The following TRPA1 variants were observed in gnomAD, a reference collection of about 807,000 sequenced individuals.
The protein encoded by TRPA1 is transient receptor potential cation channel subfamily A member 1.
Under a neutral mutation model 131.3 loss-of-function variants are expected in TRPA1, and 129 were observed. The ratio of observed to expected loss-of-function variants is 0.98; its 90% CI spans 0.85 to 1.14. The LOEUF is 1.14. Ranked by LOEUF, TRPA1 falls within the 50% of genes most tolerant of loss-of-function variation. TRPA1 has a pLI of 0.00. For missense variants in TRPA1, 1,304 were observed against 1,354.2 expected (o/e 0.96, Z 0.58); for synonymous variants, 441 against 451.7 (o/e 0.98, Z 0.30).
intron 25 of TRPA1, among the ~76,000 whole-genome samples, chr8:72,025,279 A>G (rs1343771611): frequency 1.3e-5 from 2 of 152,038 alleles, no homozygotes; most frequent in East Asian, 3.9e-4. Flanking sequence ...TGTGATAGTA[A>G]GTGAGTTCTC....
chr8:72,051,969 T>G (rs1805519506), intron 14 of TRPA1, among the ~76,000 whole-genome samples: 1 of 152,180 alleles, frequency 6.6e-6, no homozygotes, highest in Admixed American at 6.6e-5. Flanking sequence ...ATTTATAAAT[T>G]TAGGTAGACA....
chr8:72,089,890 A>T, the TRPA1 span, among the ~76,000 whole-genome samples: 52 of 152,256 alleles, frequency 3.4e-4, no homozygotes, highest in East Asian at 9.2e-3. Context: ...TGTGAAATAC[A>T]TGCCTTATCC....
At chr8:72,048,339 G>A (rs573004117) in intron 15 of TRPA1, among the ~76,000 whole-genome samples, 1 of 152,146 alleles carries the variant, frequency 6.6e-6, no homozygotes, top group East Asian at 1.9e-4. Context: ...TGGGGCATCT[G>A]GTGAACCTGT....
At chr8:72,072,153 C>A (rs1381428043) in intron 1 of TRPA1, among the ~76,000 whole-genome samples, 1 of 152,112 alleles carries the variant, frequency 6.6e-6, no homozygotes, top group Non-Finnish European at 1.5e-5. Context: ...ATGCAGAAAT[C>A]TTCCCCAAAT....
At chr8:72,077,227 G>A (rs1412804261), upstream of TRPA1, among the ~76,000 whole-genome samples, 1 of 151,454 alleles carries the variant, frequency 6.6e-6, no homozygotes, top group East Asian at 1.9e-4. Flanking sequence ...GGGGCAGTGG[G>A]CATGTCATGG....
Position 72,046,621 on chromosome 8 carries a change from G to T in TRPA1, c.1966-13C>A. On this transcript the variant is annotated splice_polypyrimidine_tract_variant and intron_variant, in intron 16 of 26. Coordinates refer to ENST00000262209, the MANE Select transcript of TRPA1 (RefSeq NM_007332.3). The stretch of plus-strand genomic sequence containing the variant: ...AATTATACTCGATCTGTAGAAGACA[G>T]AATTTTTTTTAAAAAAATGTACAGT... 2 of 1,461,802 alleles carry T rather than the reference G, an allele frequency of 1.4e-6. No homozygotes were observed. Among genetic ancestry groups the T allele is most frequent in the East Asian group, 2.3e-5 (1 of 43,886 alleles). The allele number at this position is 1,461,802 out of a possible 1,614,324, so 90.6% of individuals were successfully genotyped here.
intron 3 of TRPA1, among the ~76,000 whole-genome samples, chr8:72,067,936 C>T (rs950279622): frequency 1.1e-4 from 16 of 152,230 alleles, no homozygotes; most frequent in Non-Finnish European, 1.5e-5. Flanking sequence ...TTTACCAGCA[C>T]AGTGCTGAGG....
In TRPA1 at chr8:72,052,710, A is replaced by T. The variant is rs1413797404; in HGVS notation, c.1700T>A (p.Leu567His). 6.2e-7 allele frequency: 1 copy of T among 1,613,886 alleles called. No individual in the cohort carries two copies. The highest frequency in any genetic ancestry group is 8.5e-7 in the Non-Finnish European group (1 of 1,179,878). Residue 567 changes from leucine (L) to histidine (H), a missense_variant, in exon 14 of 27, where the codon CTT (leucine) becomes CAT (histidine). By Grantham distance (99) the Leu-to-His change is moderately conservative. Coordinates refer to ENST00000262209, the MANE Select transcript of TRPA1 (RefSeq NM_007332.3). ...REGHAKAVAL[L>H]LSHNADIVLN... ...GACTATGTCAGCATTGTGGCTCAGAAGAAGCGCAACGGCTTTGGCGTGGCC... is the reference window on the plus strand; with the variant it reads ...GACTATGTCAGCATTGTGGCTCAGATGAAGCGCAACGGCTTTGGCGTGGCC...
the TRPA1 span, among the ~76,000 whole-genome samples, chr8:72,088,385 T>TTTTTG: frequency 6.7e-6 from 1 of 150,206 alleles, no homozygotes; most frequent in African/African-American, 2.5e-5. Context: ...TTTTTTTTTT[T>TTTTTG]TTGCTGTTTT....
upstream of TRPA1, among the ~76,000 whole-genome samples, chr8:72,076,301 T>TATATTTATAGGA (rs1230963161): frequency 6.6e-6 from 1 of 152,150 alleles, no homozygotes; most frequent in Non-Finnish European, 1.5e-5. Context: ...TTGAGAGACT[T>TATATTTATAGGA]ATATTTATAG....
At position 72,069,125 on chromosome 8, in the gene TRPA1, A is replaced by C. The variant is rs1275544718; in HGVS notation, c.342T>G (p.Val114=). 1 of 1,614,230 alleles carries C rather than the reference A, an allele frequency of 6.2e-7. No individual in the cohort carries two copies. ...CAVEKNQIES[V]KFLLSRGANP... is the part of the protein sequence containing the mutation. ...TTGCTCCTCTGCTGAGAAGAAACTT[A>C]ACGCTTTCAATTTGGTTTTTTTCTA... The change falls in exon 3 of 27, where the codon GTT becomes GTG. Residue 114 remains valine, a synonymous_variant. Transcript: ENST00000262209.
intron 6 of TRPA1, chr8:72,062,395 A>G (rs919093898): frequency 9.7e-5 from 20 of 206,534 alleles, no homozygotes; most frequent in African/African-American, 4.5e-4. Flanking sequence ...CAACACGTTC[A>G]CATACATATT....
chr8:72,034,520 T>A, intron 21 of TRPA1, 143 bp from the exon 22 acceptor site: 1 of 524,008 alleles, frequency 1.9e-6, no homozygotes, highest in Non-Finnish European at 3.3e-6. Context: ...AAAGAAAACA[T>A]AAGAATTAAT....
chr8:72,067,207 T>G (rs1439834900), intron 3 of TRPA1, among the ~76,000 whole-genome samples: 2 of 152,150 alleles, frequency 1.3e-5, no homozygotes, highest in Admixed American at 1.3e-4. Context: ...AGGGGCTGGG[T>G]GTTTACAGGC....
the TRPA1 span, among the ~76,000 whole-genome samples, chr8:72,088,423 G>A: frequency 1.4e-5 from 2 of 140,776 alleles, no homozygotes. Flanking sequence ...AAGGAGGGTA[G>A]ATATGCATGT....
chr8:72,075,534 G>T lies in TRPA1; in HGVS notation c.-125C>A. On this transcript the variant is annotated 5_prime_UTR_variant, in exon 1 of 27. In the 5' UTR this introduces an upstream ATG that the reference lacks. Coordinates refer to ENST00000262209, the MANE Select transcript of TRPA1 (RefSeq NM_007332.3). ...CGAGCCCGAGCTCTCCCGCGCTGCA[G>T]CTCACAGGCAGCGAAAAAGTCGCTC... 1 of 788,268 alleles carries T rather than the reference G, an allele frequency of 1.3e-6. No individual in the cohort carries two copies. Among genetic ancestry groups the T allele is most frequent in the Non-Finnish European group, 2.2e-6 (1 of 463,292 alleles). 48.8% of individuals were successfully genotyped at this position (788,268 alleles called of 1,614,324 possible). A position where few individuals can be genotyped will look rare whatever the true frequency, so the allele number is the denominator to read the frequency against.
At chr8:72,058,291 C>T (rs1035573866) in intron 8 of TRPA1, among the ~76,000 whole-genome samples, 1 of 152,002 alleles carries the variant, frequency 6.6e-6, no homozygotes, top group African/African-American at 2.4e-5. Flanking sequence ...ATCGAAATCA[C>T]TCAAATTCTA....
chr8:72,084,005 CAT>C, the TRPA1 span, among the ~76,000 whole-genome samples: 3 of 152,120 alleles, frequency 2.0e-5, no homozygotes, highest in African/African-American at 7.2e-5. Context: ...AACATATAAT[CAT>C]AGTCACAGAG....
chr8:72,030,829 C>T (rs1295021325), intron 23 of TRPA1, among the ~76,000 whole-genome samples: 1 of 152,146 alleles, frequency 6.6e-6, no homozygotes, highest in African/African-American at 2.4e-5. Context: ...TGGTGAGAAA[C>T]CAGAAATTTA....
Sources: allele counts gnomAD v4.1 joint callset (sites outside exome capture counted in the v4.1 genomes callset), GRCh38; gene constraint gnomAD v4.1.1; transcripts MANE v1.5; gene names NCBI Gene and HGNC (gene_info 2026-07-23, HGNC 2026-07-21).